Variants in NUCB2 observed in about 807,000 individuals in gnomAD.
The protein encoded by NUCB2 is nucleobindin 2.
NUCB2 carries 48 observed loss-of-function variants against 57.9 expected under a neutral mutation model. That is an observed-to-expected ratio of 0.83 (90% CI 0.66 to 1.05). The LOEUF is 1.05. Among genes scored for constraint, NUCB2 ranks in the 50% least tolerant of loss-of-function variants. The pLI, the probability that NUCB2 is intolerant of heterozygous loss-of-function variation, is 0.00. For missense variants in NUCB2, 442 were observed against 476.2 expected (o/e 0.93, Z 0.67); for synonymous variants, 139 against 152.1 (o/e 0.91, Z 0.64).
chr11:17,324,780 C>CTATT (rs147466695), intron 11 of NUCB2, among the ~76,000 whole-genome samples: 11,028 of 147,036 alleles, frequency 0.075, 576 homozygotes, highest in African/African-American at 0.13. Flanking sequence ...GTCTATTTGT[C>CTATT]TATTTATTTA....
chr11:17,288,961 A>ATTTTT lies in NUCB2; in HGVS notation c.-1+6019_-1+6020insTTTTT, dbSNP rs1290958369. 7.8e-4 allele frequency among the ~76,000 whole-genome samples: 44 copies of ATTTTT among 56,402 alleles called. 4 individuals are homozygous for ATTTTT. The highest frequency in any genetic ancestry group is 2.0e-3 in the African/African-American group (22 of 10,986). 37.0% of individuals were successfully genotyped at this position (56,402 alleles called of 152,430 possible). The stretch of plus-strand genomic sequence containing the variant: ...CACACACACACACACATATATATAT[A>ATTTTT]TATTTTTTTTTTTTGAGATGGAGTT... On this transcript the variant is annotated intron_variant, in intron 2 of 13. Transcript: ENST00000529010.
At chr11:17,335,915 G>C (rs1293728807), downstream of NUCB2, among the ~76,000 whole-genome samples, 1 of 152,180 alleles carries the variant, frequency 6.6e-6, no homozygotes, top group African/African-American at 2.4e-5. Flanking sequence ...CTTTGGTTTA[G>C]CTGACTTAGT....
At chr11:17,285,576 CAAAA>C (rs1319420352) in intron 2 of NUCB2, among the ~76,000 whole-genome samples, 1 of 109,894 alleles carries the variant, frequency 9.1e-6, no homozygotes, top group Non-Finnish European at 1.9e-5. Context: ...GACACTGTCT[CAAAA>C]AAAAAAAAAA....
chr11:17,311,919 T>C lies in NUCB2; in HGVS notation c.808T>C (p.Phe270Leu). ...FLDEQELEALFTKELEKVYDP... is the reference protein window; with the variant it reads ...FLDEQELEALLTKELEKVYDP... The stretch of plus-strand genomic sequence containing the variant: ...GGATGAACAAGAATTAGAAGCCCTA[T>C]TTACTAAAGAGGTAAAGGAGTTTAT... Residue 270 changes from phenylalanine (F) to leucine (L), a missense_variant, in exon 9 of 14, where the codon TTT (phenylalanine) becomes CTT (leucine). Physicochemically the swap from Phe to Leu is conservative, Grantham distance 22 (BLOSUM62 0). Coordinates refer to ENST00000529010, the MANE Select transcript of NUCB2 (RefSeq NM_005013.4). 6.3e-7 allele frequency: 1 copy of C among 1,595,694 alleles called. No homozygotes were observed.
chr11:17,301,835 G>A lies in NUCB2; in HGVS notation c.344G>A (p.Arg115Lys), dbSNP rs761695499. 1 of 1,613,728 alleles carries A rather than the reference G, an allele frequency of 6.2e-7. No individual in the cohort carries two copies. The highest frequency in any genetic ancestry group is 8.5e-7 in the Non-Finnish European group (1 of 1,179,668). Reference protein sequence around the residue: ...ELKRQEVGRLRMLIKAKLDSL... With the variant: ...ELKRQEVGRLKMLIKAKLDSL... Reference sequence around the variant, plus strand: ...AAAAGGCAAGAAGTAGGAAGGTTAAGAATGTTAATTAAAGCTAAGTTGGAT... The same window carrying A: ...AAAAGGCAAGAAGTAGGAAGGTTAAAAATGTTAATTAAAGCTAAGTTGGAT... The change falls in exon 5 of 14, where the codon AGA (arginine) becomes AAA (lysine). Residue 115 changes from arginine to lysine, a missense_variant. Physicochemically the swap from Arg to Lys is conservative, Grantham distance 26. Coordinates refer to ENST00000529010, the MANE Select transcript of NUCB2 (RefSeq NM_005013.4).
chr11:17,288,051 G>A (rs1944091957), intron 2 of NUCB2, among the ~76,000 whole-genome samples: 1 of 152,160 alleles, frequency 6.6e-6, no homozygotes, highest in African/African-American at 2.4e-5. Context: ...CTCCCCGGTA[G>A]AGAGAACAGT....
chr11:17,314,614 C>T (rs1948978667), intron 10 of NUCB2, among the ~76,000 whole-genome samples: 2 of 152,180 alleles, frequency 1.3e-5, no homozygotes, highest in Admixed American at 1.3e-4. Context: ...ATGGTCCATC[C>T]AATGACTACG....
intron 10 of NUCB2, among the ~76,000 whole-genome samples, chr11:17,313,347 T>C (rs1452921914): frequency 6.6e-6 from 1 of 151,844 alleles, no homozygotes; most frequent in Non-Finnish European, 1.5e-5. Context: ...CTGGCAAACA[T>C]GGTGAAACCC....
intron 1 of NUCB2, among the ~76,000 whole-genome samples, chr11:17,281,847 T>A (rs573355438): frequency 6.6e-6 from 1 of 151,758 alleles, no homozygotes; most frequent in South Asian, 2.1e-4. Flanking sequence ...TTTGAAAATA[T>A]TTTATTTGCT....
chr11:17,286,143 C>T (rs1215103861), intron 2 of NUCB2, among the ~76,000 whole-genome samples: 1 of 152,108 alleles, frequency 6.6e-6, no homozygotes, highest in Middle Eastern at 3.2e-3. Context: ...AGGTGATCTT[C>T]CCACCTCATC....
intron 3 of NUCB2, 27 bp downstream of exon 3, chr11:17,295,494 G>T (rs764138073): frequency 6.7e-7 from 1 of 1,496,974 alleles, no homozygotes; most frequent in South Asian, 1.2e-5. Flanking sequence ...GAAATGGGAG[G>T]AATTATAACT....
intron 2 of NUCB2, among the ~76,000 whole-genome samples, chr11:17,339,123 G>T (rs181933344): frequency 6.6e-6 from 1 of 152,136 alleles, no homozygotes; most frequent in East Asian, 1.9e-4. Flanking sequence ...GAGTAGCTGG[G>T]ACTCCAGGCG....
intron 7 of NUCB2, 36 bp downstream of exon 7, chr11:17,311,046 A>G: frequency 6.6e-7 from 1 of 1,512,988 alleles, no homozygotes; most frequent in Non-Finnish European, 8.9e-7. Context: ...ATTTTTAGAT[A>G]AAGATACTTC....
intron 4 of NUCB2, among the ~76,000 whole-genome samples, chr11:17,299,902 C>CATAAA (rs61374902): frequency 0.22 from 33,079 of 150,484 alleles, 4,473 homozygotes; most frequent in East Asian, 0.34. Flanking sequence ...GACCCTGTGT[C>CATAAA]ATAAAATAAA....
intron 10 of NUCB2, 122 bp downstream of exon 10, chr11:17,312,242 G>GT (rs953833620): frequency 0.031 from 16,306 of 526,090 alleles, 2 homozygotes; most frequent in South Asian, 0.043. Flanking sequence ...TTTTGTTTTT[G>GT]TTTTTTTTTT....
At chr11:17,327,185 C>A (rs889705940) in intron 11 of NUCB2, among the ~76,000 whole-genome samples, 1 of 152,068 alleles carries the variant, frequency 6.6e-6, no homozygotes, top group African/African-American at 2.4e-5. Context: ...TTTAGGCTCC[C>A]GAGCAGCTGG....
At chr11:17,298,031 G>A (rs1223516908) in intron 4 of NUCB2, among the ~76,000 whole-genome samples, 2 of 147,328 alleles carry the variant, frequency 1.4e-5, no homozygotes, top group Non-Finnish European at 3.0e-5. Context: ...GCAGTGAGCC[G>A]AGATTGTTCC....
At chr11:17,316,206 G>A (rs1233908345) in intron 11 of NUCB2, among the ~76,000 whole-genome samples, 2 of 152,134 alleles carry the variant, frequency 1.3e-5, no homozygotes, top group African/African-American at 2.4e-5. Flanking sequence ...TCCTGACCTC[G>A]TGATTCACCC....
At chr11:17,285,337 G>A (rs1180035067) in intron 2 of NUCB2, among the ~76,000 whole-genome samples, 2 of 152,178 alleles carry the variant, frequency 1.3e-5, no homozygotes, top group Non-Finnish European at 2.9e-5. Flanking sequence ...CACTTTGGGA[G>A]GCCGAGGCGG....
Sources: allele counts gnomAD v4.1 joint callset (sites outside exome capture counted in the v4.1 genomes callset), GRCh38; gene constraint gnomAD v4.1.1; transcripts MANE v1.5; gene names NCBI Gene and HGNC (gene_info 2026-07-23, HGNC 2026-07-21).